The following NOX4 variants were observed in gnomAD, a reference collection of about 807,000 sequenced individuals.
NOX4 encodes kidney oxidase-1.
A neutral mutation model predicts 87.6 loss-of-function variants in NOX4; 69 were observed. That is an observed-to-expected ratio of 0.79 (90% CI 0.65 to 0.96). NOX4 has a LOEUF of 0.96. Among genes scored for constraint, NOX4 ranks in the 40% least tolerant of loss-of-function variants. The pLI is 0.00. For missense variants in NOX4, 680 were observed against 681.5 expected (o/e 1.00, Z 0.02); for synonymous variants, 275 against 238.2 (o/e 1.15, Z -1.42).
the NOX4 span, chr11:89,545,177 A>AT: frequency 6.6e-6 from 1 of 152,238 alleles, no homozygotes; most frequent in Non-Finnish European, 1.5e-5. Context: ...GTTCCAAATG[A>AT]TTTTTCAGCA....
At chr11:89,435,974 C>G (rs1944062363) in intron 6 of NOX4, among the ~76,000 whole-genome samples, 1 of 152,034 alleles carries the variant, frequency 6.6e-6, no homozygotes, top group Non-Finnish European at 1.5e-5. Flanking sequence ...TTACAATTAG[C>G]AAGGGCAGAA....
the NOX4 span, among the ~76,000 whole-genome samples, chr11:89,508,511 C>A: frequency 3.9e-5 from 6 of 152,000 alleles, no homozygotes; most frequent in Admixed American, 2.6e-4. Context: ...GTGTTTTGAA[C>A]GTGCCAGCTT....
At chr11:89,584,684 C>A in the NOX4 span, among the ~76,000 whole-genome samples, 4 of 152,048 alleles carry the variant, frequency 2.6e-5, no homozygotes, top group African/African-American at 9.7e-5. Flanking sequence ...GCCTATTTTC[C>A]TTTGTCCTAA....
At chr11:89,568,847 C>A in the NOX4 span, among the ~76,000 whole-genome samples, 1 of 152,044 alleles carries the variant, frequency 6.6e-6, no homozygotes, top group Admixed American at 6.5e-5. Context: ...GGATAGAGAA[C>A]CCAGGAATAA....
At chr11:89,372,172 T>C (rs952363259) in intron 12 of NOX4, among the ~76,000 whole-genome samples, 11 of 151,748 alleles carry the variant, frequency 7.2e-5, no homozygotes, top group Non-Finnish European at 1.6e-4. Flanking sequence ...CCAATTTCCA[T>C]CCCCACCCCT....
At chr11:89,425,221 G>A (rs1943310914) in intron 7 of NOX4, among the ~76,000 whole-genome samples, 1 of 151,694 alleles carries the variant, frequency 6.6e-6, no homozygotes, top group South Asian at 2.1e-4. Context: ...CACAAAATTG[G>A]CACCCTCATG....
At chr11:89,405,080 T>TTGTGTCTGTGTGTGTGTGTG (rs1942092835) in intron 8 of NOX4, among the ~76,000 whole-genome samples, 1 of 133,192 alleles carries the variant, frequency 7.5e-6, no homozygotes, top group Non-Finnish European at 1.6e-5. Flanking sequence ...AAAAGTCAGA[T>TTGTGTCTGTGTGTGTGTGTG]TGTGTGTGTG....
rs201916727 is a variant in NOX4 at position 89,325,885 on chromosome 11, G to GTATATATATA, written c.*861_*870dup. On this transcript the variant is annotated 3_prime_UTR_variant, in exon 18 of 18. Coordinates refer to ENST00000263317, the MANE Select transcript of NOX4 (RefSeq NM_016931.5). ...AAAGGGAAAAGTTATTAGTATATGT[G>GTATATATATA]TATATATATATATATATATATATAT... is the stretch of plus-strand genomic sequence containing the variant. 6 of 137,192 alleles carry GTATATATATA rather than the reference G, an allele frequency of 4.4e-5. No homozygotes were observed. Among genetic ancestry groups the GTATATATATA allele is most frequent in the East Asian group, 2.1e-4 (1 of 4,718 alleles). 8.5% of individuals were successfully genotyped at this position (137,192 alleles called of 1,614,324 possible). A position where few individuals can be genotyped will look rare whatever the true frequency, so the allele number is the denominator to read the frequency against.
chr11:89,513,895 T>C, the NOX4 span, among the ~76,000 whole-genome samples: 1 of 152,012 alleles, frequency 6.6e-6, no homozygotes, highest in Non-Finnish European at 1.5e-5. Context: ...AAATAATATT[T>C]ATGGGGTTAC....
Position 89,383,646 on chromosome 11 carries a change from A to C in NOX4, c.1075-10154T>G, listed in dbSNP as rs576513466. ...GTGGGTATTGACAGCCAGGCTTCGA[A>C]ACCTCTTAAAACTCCCCAACTCTGA... is the stretch of plus-strand genomic sequence containing the variant. On this transcript the variant is annotated intron_variant, in intron 11 of 17. Transcript: ENST00000263317. Among the ~76,000 whole-genome samples, 3 of 152,236 alleles carry C rather than the reference A, an allele frequency of 2.0e-5. No homozygotes were observed. In the South Asian group the frequency reaches 6.2e-4, roughly 32 times the overall value.
intron 8 of NOX4, among the ~76,000 whole-genome samples, chr11:89,418,998 A>G (rs1416515398): frequency 1.3e-5 from 2 of 152,038 alleles, no homozygotes; most frequent in African/African-American, 4.8e-5. Context: ...CACACTGATA[A>G]TTCTCTGAAT....
chr11:89,550,636 T>C, the NOX4 span, among the ~76,000 whole-genome samples: 1 of 152,094 alleles, frequency 6.6e-6, no homozygotes, highest in Non-Finnish European at 1.5e-5. Context: ...CACTTTTTGA[T>C]GGGGTTGTTT....
chr11:89,470,401 A>T (rs1945880384), intron 2 of NOX4, among the ~76,000 whole-genome samples: 1 of 152,204 alleles, frequency 6.6e-6, no homozygotes, highest in Non-Finnish European at 1.5e-5. Context: ...CTAGGCAACT[A>T]TGTGTTCTAT....
chr11:89,379,546 C>T (rs1306999486), intron 11 of NOX4, among the ~76,000 whole-genome samples: 2 of 152,076 alleles, frequency 1.3e-5, no homozygotes, highest in Non-Finnish European at 2.9e-5. Context: ...GGCTGAGATG[C>T]CAGTCATTTG....
chr11:89,506,913 A>G, the NOX4 span, among the ~76,000 whole-genome samples: 8 of 152,036 alleles, frequency 5.3e-5, no homozygotes, highest in African/African-American at 1.9e-4. Flanking sequence ...AAAAGGCTTT[A>G]AATGGTGTCA....
chr11:89,350,516 T>A (rs547840852), intron 13 of NOX4, among the ~76,000 whole-genome samples: 1 of 152,292 alleles, frequency 6.6e-6, no homozygotes, highest in African/African-American at 2.4e-5. Flanking sequence ...TCCATGTTAG[T>A]GATGTTATGA....
chr11:89,337,488 C>T lies in NOX4; in HGVS notation c.1474G>A (p.Val492Ile), dbSNP rs147779832. The T allele has an allele frequency of 2.7e-5, 43 of 1,612,260 alleles. No homozygotes were observed. In the African/African-American group the frequency reaches 5.7e-4, roughly 22 times the overall value. Residue 492 changes from valine (V) to isoleucine (I), a missense_variant, in exon 16 of 18, where the codon GTC becomes ATC. Transcript: ENST00000263317. ...TGACTGAGGTACAGCTGGATGTTGA[C>T]ATAGTCAGGTCTGTTCTCTTGCCAA... is the stretch of plus-strand genomic sequence containing the variant. The part of the protein sequence containing the change: ...KFWQENRPDY[V>I]NIQLYLSQTD...
intron 2 of NOX4, among the ~76,000 whole-genome samples, chr11:89,480,586 C>A (rs1946353871): frequency 6.6e-6 from 1 of 152,044 alleles, no homozygotes; most frequent in Non-Finnish European, 1.5e-5. Flanking sequence ...TTTTACAGCT[C>A]CTATTATGGA....
upstream of NOX4, among the ~76,000 whole-genome samples, chr11:89,502,896 G>A (rs536546037): frequency 3.9e-5 from 6 of 151,940 alleles, no homozygotes; most frequent in Non-Finnish European, 7.4e-5. Flanking sequence ...ATGGTTGTAT[G>A]ATTCAAACAC....
Sources: allele counts gnomAD v4.1 joint callset (sites outside exome capture counted in the v4.1 genomes callset), GRCh38; gene constraint gnomAD v4.1.1; transcripts MANE v1.5; gene names NCBI Gene and HGNC (gene_info 2026-07-23, HGNC 2026-07-21).